Variants in RAD50 observed in about 807,000 individuals in gnomAD.
The protein encoded by RAD50 is DNA repair protein RAD50.
In RAD50, 132 loss-of-function variants were observed where a neutral mutation model predicts 168.8. The observed-to-expected ratio is 0.78, with a 90% CI of 0.68 to 0.90. The LOEUF is 0.90. Among genes scored for constraint, RAD50 ranks in the 40% least tolerant of loss-of-function variants. The pLI is 0.00. For missense variants in RAD50, 1,347 were observed against 1,534.4 expected (o/e 0.88, Z 2.04); for synonymous variants, 525 against 497.4 (o/e 1.06, Z -0.74).
chr5:132,609,731 G>A (rs939731779), intron 19 of RAD50, among the ~76,000 whole-genome samples: 14 of 152,160 alleles, frequency 9.2e-5, no homozygotes, highest in Non-Finnish European at 2.1e-4. Flanking sequence ...GCAGTGAGCT[G>A]TGATTGTACC....
intron 19 of RAD50, among the ~76,000 whole-genome samples, chr5:132,610,730 A>G (rs1258382658): frequency 6.6e-6 from 1 of 152,204 alleles, no homozygotes; most frequent in African/African-American, 2.4e-5. Flanking sequence ...TAAATTTATG[A>G]TGCATATATA....
Position 132,617,818 on chromosome 5 carries a change from A to G in RAD50, c.3165-252A>G, listed in dbSNP as rs17772583. ...AAGGCCAGGAACTTTATCAGTGATC[A>G]CATGCTATGAGGGTTCTGTAATACA... On this transcript the variant is annotated intron_variant, in intron 20 of 24. Coordinates refer to ENST00000378823, the MANE Select transcript of RAD50 (RefSeq NM_005732.4). 0.18 allele frequency among the ~76,000 whole-genome samples: 28,047 copies of G among 152,170 alleles called. 3,185 individuals are homozygous for G. Among genetic ancestry groups the G allele is most frequent in the East Asian group, 0.36 (1,858 of 5,170 alleles).
chr5:132,587,878 T>A (rs1353037213), intron 6 of RAD50, 46 bp from the exon 7 acceptor site: 1 of 1,589,056 alleles, frequency 6.3e-7, no homozygotes, highest in African/African-American at 1.3e-5. Context: ...GTGATCATAT[T>A]TTCTTATGTT....
At chr5:132,566,530 C>T (rs527237555) in intron 2 of RAD50, among the ~76,000 whole-genome samples, 3 of 152,280 alleles carry the variant, frequency 2.0e-5, no homozygotes, top group Admixed American at 6.5e-5. Context: ...GCCAGTTCAG[C>T]GACTTCTTCC....
chr5:132,637,906 C>T, intron 22 of RAD50, 175 bp from the exon 23 acceptor site: 1 of 711,980 alleles, frequency 1.4e-6, no homozygotes, highest in Non-Finnish European at 2.3e-6. Flanking sequence ...TGCTTCTGGC[C>T]AGACCACCAG....
chr5:132,584,351 G>T (rs1359063892), intron 5 of RAD50, among the ~76,000 whole-genome samples: 5 of 152,060 alleles, frequency 3.3e-5, no homozygotes, highest in Non-Finnish European at 5.9e-5. Flanking sequence ...CTTTTTGATG[G>T]GGTTGTTTGT....
intron 5 of RAD50, among the ~76,000 whole-genome samples, chr5:132,584,160 C>CT (rs1172297154): frequency 1.3e-5 from 2 of 152,224 alleles, no homozygotes; most frequent in African/African-American, 4.8e-5. Context: ...TCCACATCCT[C>CT]TCCAGCACCT....
intron 2 of RAD50, among the ~76,000 whole-genome samples, chr5:132,566,962 C>T (rs765526152): frequency 2.6e-5 from 4 of 152,172 alleles, no homozygotes; most frequent in African/African-American, 9.7e-5. Context: ...CTTTGTACTC[C>T]CAGATTATCC....
intron 3 of RAD50, among the ~76,000 whole-genome samples, chr5:132,577,246 A>AT (rs1448772660): frequency 1.3e-5 from 2 of 152,186 alleles, no homozygotes; most frequent in Non-Finnish European, 2.9e-5. Context: ...AGTTCTTCTC[A>AT]TATCAAATCA....
At chr5:132,605,353 C>G (rs747599779) in intron 16 of RAD50, among the ~76,000 whole-genome samples, 12 of 152,042 alleles carry the variant, frequency 7.9e-5, no homozygotes, top group Non-Finnish European at 1.8e-4. Context: ...CCATTCTTCT[C>G]TTTTAGAGAC....
At chr5:132,575,010 T>G (rs1750368553) in intron 2 of RAD50, among the ~76,000 whole-genome samples, 1 of 152,220 alleles carries the variant, frequency 6.6e-6, no homozygotes, top group Admixed American at 6.5e-5. Context: ...CTGAGCCTTC[T>G]AAACTGTTCC....
intron 19 of RAD50, among the ~76,000 whole-genome samples, chr5:132,611,533 G>A (rs191675540): frequency 1.3e-4 from 19 of 150,108 alleles, no homozygotes; most frequent in Admixed American, 5.3e-4. Flanking sequence ...CCGAAACCCC[G>A]TCTCTACTAA....
chr5:132,575,811 G>A lies in RAD50; in HGVS notation c.248G>A (p.Arg83His), dbSNP rs751320530. 2 of 1,601,356 alleles carry A rather than the reference G, an allele frequency of 1.2e-6. No individual in the cohort carries two copies. The highest frequency in any genetic ancestry group is 1.1e-5 in the South Asian group (1 of 90,796). Residue 83 changes from arginine (R) to histidine (H), a missense_variant, in exon 3 of 25, where the codon CGT becomes CAT. Physicochemically the swap from Arg to His is conservative, Grantham distance 29 (BLOSUM62 0). This residue lies in a region of RAD50 where 703 missense variants were observed against 767.7 expected (regional missense o/e 0.92). Coordinates refer to ENST00000378823, the MANE Select transcript of RAD50 (RefSeq NM_005732.4). ...GAAACAGATGTGAGAGCCCAGATTC[G>A]TCTGCAATTTCGTGATGTCAATGGA... ...AQETDVRAQI[R>H]LQFRDVNGEL...
intron 9 of RAD50, among the ~76,000 whole-genome samples, chr5:132,590,596 A>C (rs1750681395): frequency 6.6e-6 from 1 of 152,224 alleles, no homozygotes. Context: ...AAACTTTCTT[A>C]GCCAATCTTT....
rs373984280 is a variant in RAD50, at chr5:132,616,014, G to A, written c.3048G>A (p.Arg1016=). Residue 1016 remains arginine (R), a synonymous_variant, in exon 20 of 25, where the codon AGG becomes AGA. Coordinates refer to ENST00000378823, the MANE Select transcript of RAD50 (RefSeq NM_005732.4). The part of the protein sequence containing the change: ...QDIDTQKIQE[R]WLQDNLTLRK... Reference sequence around the variant, plus strand: ...ATGTTTACCTTTAGATACAAGAAAGGTGGCTACAAGATAACCTTACTTTAA... The same window carrying A: ...ATGTTTACCTTTAGATACAAGAAAGATGGCTACAAGATAACCTTACTTTAA... 1 of 1,582,952 alleles carries A rather than the reference G, an allele frequency of 6.3e-7. No individual in the cohort carries two copies. Among genetic ancestry groups the A allele is most frequent in the Non-Finnish European group, 8.7e-7 (1 of 1,152,128 alleles).
Position 132,616,017 on chromosome 5 carries a change from G to A in RAD50, c.3051G>A (p.Trp1017Ter). The change falls in exon 20 of 25, where the codon TGG (tryptophan) becomes TGA (stop). Residue 1017 changes from tryptophan (W) to a stop codon, truncating the protein, a stop_gained. Coordinates refer to ENST00000378823, the MANE Select transcript of RAD50 (RefSeq NM_005732.4). LOFTEE classifies it high-confidence loss of function. ...DIDTQKIQER[W>*]LQDNLTLRKR... ...TTTACCTTTAGATACAAGAAAGGTG[G>A]CTACAAGATAACCTTACTTTAAGAA... The A allele has an allele frequency of 6.3e-7, 1 of 1,584,232 alleles. No individual in the cohort carries two copies. Among genetic ancestry groups the A allele is most frequent in the South Asian group, 1.1e-5 (1 of 90,280 alleles).
At position 132,604,993 on chromosome 5, in the gene RAD50, G is replaced by A. The variant is rs1060504386; in HGVS notation, c.2712G>A (p.Glu904=). The A allele has an allele frequency of 7.5e-6, 12 of 1,603,050 alleles. No homozygotes were observed. Among genetic ancestry groups the A allele is most frequent in the Admixed American group, 1.7e-5 (1 of 59,834 alleles). The part of the protein sequence containing the change: ...LSTEVQSLYR[E]IKDAKEQVSP... ...CTGAAGTTCAGTCTTTGTACAGAGA[G>A]ATAAAGGTAAGAATATCCATACATG... The change falls in exon 16 of 25, where the codon GAG becomes GAA. Residue 904 remains glutamate (E), a synonymous_variant. Transcript: ENST00000378823.
At chr5:132,619,630 G>A (rs558437602) in intron 21 of RAD50, among the ~76,000 whole-genome samples, 82 of 151,836 alleles carry the variant, frequency 5.4e-4, no homozygotes, top group Non-Finnish European at 4.9e-4. Flanking sequence ...TTCCTTTTCA[G>A]TTATATGTAT....
intron 2 of RAD50, among the ~76,000 whole-genome samples, chr5:132,568,692 G>A (rs185851795): frequency 1.3e-4 from 20 of 152,328 alleles, no homozygotes; most frequent in African/African-American, 3.6e-4. Context: ...CCTTTAAGGT[G>A]CTAGGGAATA....
Sources: gnomAD v4.1 joint callset for allele counts (sites outside exome capture counted in the v4.1 genomes callset) on GRCh38, gnomAD v4.1.1 for gene constraint, gnomAD v4.1.1 regional missense constraint, MANE v1.5 for transcripts, NCBI Gene and HGNC (gene_info 2026-07-23, HGNC 2026-07-21) for gene names.